Variants in FABP12 observed in about 807,000 individuals in gnomAD.
FABP12 encodes the protein fatty acid-binding protein 12.
Under a neutral mutation model 13.7 loss-of-function variants are expected in FABP12, and 19 were observed. The ratio of observed to expected loss-of-function variants is 1.39; its 90% CI spans 0.97 to 2.04. FABP12 has a LOEUF of 2.04. FABP12 is among the 30% of genes most tolerant of loss of function. The probability of loss-of-function intolerance (pLI) is 0.00; values close to 1 mark genes in which losing one functional copy is unlikely to be tolerated. For missense variants in FABP12, 182 were observed against 164.2 expected (o/e 1.11, Z -0.59); for synonymous variants, 61 against 57.0 (o/e 1.07, Z -0.32).
chr8:81,534,965 G>A (rs73277204), upstream of FABP12, among the ~76,000 whole-genome samples: 2,414 of 152,128 alleles, frequency 0.016, 60 homozygotes, highest in African/African-American at 0.055. Context: ...ATGTAAACAT[G>A]TGTCATTGTC....
At chr8:81,529,249 A>G (rs2129936731) in intron 3 of FABP12, 189 bp downstream of exon 3, 1 of 632,214 alleles carries the variant, frequency 1.6e-6, no homozygotes, top group South Asian at 1.9e-5. Context: ...TCTGGCAGTG[A>G]GCAGGAGGCA....
upstream of FABP12, among the ~76,000 whole-genome samples, chr8:81,537,592 CCTAAATAT>C: frequency 1.3e-5 from 2 of 152,232 alleles, no homozygotes; most frequent in African/African-American, 4.8e-5. Flanking sequence ...AAATTAGCGA[CCTAAATAT>C]CTGCATGAGT....
intron 1 of FABP12, among the ~76,000 whole-genome samples, chr8:81,541,910 TAAAA>T (rs1167487132): frequency 0.011 from 763 of 71,094 alleles, 9 homozygotes; most frequent in African/African-American, 0.037. Context: ...TCCCAGGGTT[TAAAA>T]AAAAAAAAAA....
At chr8:81,579,608 G>A (rs1810123060) in intron 1 of FABP12, among the ~76,000 whole-genome samples, 1 of 152,106 alleles carries the variant, frequency 6.6e-6, no homozygotes, top group South Asian at 2.1e-4. Context: ...GATGAAAAAA[G>A]TATACTCTTG....
At chr8:81,589,001 G>T (rs1218701358) in intron 1 of FABP12, among the ~76,000 whole-genome samples, 1 of 152,194 alleles carries the variant, frequency 6.6e-6, no homozygotes, top group East Asian at 1.9e-4. Context: ...CAGCACTCCA[G>T]ATCAGCAACT....
chr8:81,539,433 C>CTT lies in FABP12; in HGVS notation c.-59+183_-59+184dup, dbSNP rs35386904. 1.6e-3 allele frequency among the ~76,000 whole-genome samples: 78 copies of CTT among 50,032 alleles called. 12 individuals are homozygous for CTT. The highest frequency in any genetic ancestry group is 5.1e-3 in the African/African-American group (64 of 12,518). 32.8% of individuals were successfully genotyped at this position (50,032 alleles called of 152,430 possible). A position where few individuals can be genotyped will look rare whatever the true frequency, so the allele number is the denominator to read the frequency against. ...AAACATTTTCCTTACTTCTTTAGTT[C>CTT]TTTTTTTTTTTTTTTTTTTTTTTTT... On this transcript the variant is annotated intron_variant, in intron 2 of 5. Transcript: ENST00000692030.
At chr8:81,570,300 G>T (rs1455144683) in intron 1 of FABP12, among the ~76,000 whole-genome samples, 2 of 152,188 alleles carry the variant, frequency 1.3e-5, no homozygotes, top group South Asian at 4.1e-4. Context: ...GGCAAGCGAG[G>T]CGCATGTTTC....
chr8:81,532,463 T>C (rs1043217347), intron 1 of FABP12, among the ~76,000 whole-genome samples: 4 of 152,254 alleles, frequency 2.6e-5, no homozygotes, highest in Admixed American at 2.0e-4. Flanking sequence ...TAGCATTATA[T>C]GCCTAATATG....
chr8:81,525,139 A>ACCTCATATTTCTTT lies in FABP12; in HGVS notation c.349-20_349-19insAAAGAAATATGAGG. Reference sequence around the variant, plus strand: ...TACTTTCCTACAAGACAAAAGAAATATGAGGTATTTCAGTATAGTTAGTGA... The same window carrying ACCTCATATTTCTTT: ...TACTTTCCTACAAGACAAAAGAAATACCTCATATTTCTTTTGAGGTATTTCAGTATAGTTAGTGA... On this transcript the variant is annotated intron_variant, in intron 4 of 4. Coordinates refer to ENST00000360464, the Ensembl canonical transcript of FABP12. 2 of 1,481,304 alleles carry ACCTCATATTTCTTT rather than the reference A, an allele frequency of 1.4e-6. No individual in the cohort carries two copies. The highest frequency in any genetic ancestry group is 1.9e-6 in the Non-Finnish European group (2 of 1,074,264). The allele number at this position is 1,481,304 out of a possible 1,614,324, so 91.8% of individuals were successfully genotyped here. A position where few individuals can be genotyped will look rare whatever the true frequency, so the allele number is the denominator to read the frequency against.
intron 1 of FABP12, among the ~76,000 whole-genome samples, chr8:81,531,943 GCACACACACACA>G (rs10554665): frequency 3.4e-5 from 5 of 147,760 alleles, no homozygotes; most frequent in Non-Finnish European, 7.5e-5. Flanking sequence ...ACAAACACAT[GCACACACACACA>G]CACACACACA....
chr8:81,533,664 A>C (rs1441053463), intron 1 of FABP12, among the ~76,000 whole-genome samples, 138 bp downstream of exon 1: 1 of 152,132 alleles, frequency 6.6e-6, no homozygotes, highest in East Asian at 1.9e-4. Context: ...TGGTACATTA[A>C]ACATGCTCAG....
intron 1 of FABP12, among the ~76,000 whole-genome samples, chr8:81,549,950 G>C (rs935349279): frequency 1.3e-5 from 2 of 152,150 alleles, no homozygotes; most frequent in Non-Finnish European, 2.9e-5. Flanking sequence ...ATATGAATTT[G>C]CTTTAAAAAT....
intron 1 of FABP12, among the ~76,000 whole-genome samples, chr8:81,589,982 T>C (rs989315732): frequency 6.1e-4 from 93 of 152,222 alleles, no homozygotes; most frequent in African/African-American, 2.2e-3. Context: ...ATATAATCAG[T>C]TCAAAAGGCA....
At chr8:81,568,777 C>A (rs1162296690) in intron 1 of FABP12, among the ~76,000 whole-genome samples, 1 of 152,154 alleles carries the variant, frequency 6.6e-6, no homozygotes, top group Non-Finnish European at 1.5e-5. Flanking sequence ...TACATATACA[C>A]AATGGAATAC....
chr8:81,579,376 T>C (rs1810118932), intron 1 of FABP12, among the ~76,000 whole-genome samples: 1 of 152,096 alleles, frequency 6.6e-6, no homozygotes, highest in Admixed American at 6.5e-5. Context: ...GAAGACCCAT[T>C]ACCAAAATAG....
At chr8:81,576,036 G>A (rs2245233) in intron 1 of FABP12, among the ~76,000 whole-genome samples, 142,343 of 152,318 alleles carry the variant, frequency 0.93, 66,657 homozygotes, top group East Asian at 1. Context: ...AAACATCTTA[G>A]CTGATAAGAA....
chr8:81,589,458 G>A (rs1274175018), intron 1 of FABP12, among the ~76,000 whole-genome samples: 1 of 151,922 alleles, frequency 6.6e-6, no homozygotes, highest in Non-Finnish European at 1.5e-5. Flanking sequence ...AAACACAGGG[G>A]ATCCATCACC....
chr8:81,558,968 G>A (rs113400621), intron 1 of FABP12, among the ~76,000 whole-genome samples: 3,949 of 151,486 alleles, frequency 0.026, 164 homozygotes, highest in African/African-American at 0.092. Flanking sequence ...ACTAGTGACA[G>A]GGGACTCTTT....
At chr8:81,565,614 T>C in intron 1 of FABP12, among the ~76,000 whole-genome samples, 1 of 147,794 alleles carries the variant, frequency 6.8e-6, no homozygotes, top group African/African-American at 2.7e-5. Context: ...AATTAAAAAA[T>C]GTCTTCAAAC....
Sources: gnomAD v4.1 joint callset for allele counts (sites outside exome capture counted in the v4.1 genomes callset) on GRCh38, gnomAD v4.1.1 for gene constraint, MANE v1.5 for transcripts, NCBI Gene and HGNC (gene_info 2026-07-23, HGNC 2026-07-21) for gene names.